The following DTNA variants were observed in gnomAD, a reference collection of about 807,000 sequenced individuals.
The protein encoded by DTNA is dystrophin-related protein 3.
A neutral mutation model predicts 100.7 loss-of-function variants in DTNA; 43 were observed. That is an observed-to-expected ratio of 0.43 (90% CI 0.33 to 0.55). The LOEUF is 0.55. Among genes scored for constraint, DTNA ranks in the 20% least tolerant of loss-of-function variants. DTNA has a pLI of 0.04. For synonymous variants in DTNA, 349 were observed against 347.9 expected, an observed-to-expected ratio of 1.00 and a Z score of -0.04; for missense variants, 798 against 953.9, an observed-to-expected ratio of 0.84 and a Z score of 2.15.
intron 1 of DTNA, among the ~76,000 whole-genome samples, chr18:34,619,948 G>T (rs1169970057): frequency 1.3e-5 from 2 of 152,180 alleles, no homozygotes; most frequent in African/African-American, 4.8e-5. Context: ...GTATCATCAT[G>T]AGACACTGAG....
intron 13 of DTNA, among the ~76,000 whole-genome samples, chr18:34,843,563 G>A (rs1010307210): frequency 2.6e-5 from 4 of 152,010 alleles, no homozygotes; most frequent in African/African-American, 4.8e-5. Flanking sequence ...TGCTGTGTCC[G>A]CAAATAACCT....
intron 16 of DTNA, among the ~76,000 whole-genome samples, chr18:34,859,751 G>C (rs376512887): frequency 6.9e-4 from 104 of 151,786 alleles, no homozygotes; most frequent in Middle Eastern, 6.8e-3. Context: ...GACTCAATCA[G>C]ATTCTGCCGC....
chr18:34,679,787 C>G (rs759069267), intron 1 of DTNA, among the ~76,000 whole-genome samples: 1 of 151,926 alleles, frequency 6.6e-6, no homozygotes, highest in African/African-American at 2.4e-5. Context: ...AAAGACTTAC[C>G]GTCTTTTTGT....
In DTNA at chr18:34,874,728, T is replaced by C. The variant is rs146046711; in HGVS notation, c.1744-511T>C. On this transcript the variant is annotated intron_variant, in intron 17 of 22. Coordinates refer to ENST00000444659, the MANE Select transcript of DTNA (RefSeq NM_001386795.1). The stretch of plus-strand genomic sequence containing the variant: ...AAAATAGGGATAAAACAATTTACAC[T>C]TCATTTGATTCTTAATTTGAGACTT... Among the ~76,000 whole-genome samples the C allele has an allele frequency of 2.7e-3, 415 of 152,310 alleles. 1 individual carries two copies. The highest frequency in any genetic ancestry group is 9.5e-3 in the African/African-American group (396 of 41,582).
intron 11 of DTNA, among the ~76,000 whole-genome samples, chr18:34,836,068 G>A (rs1443731257): frequency 6.6e-6 from 1 of 152,188 alleles, no homozygotes; most frequent in Non-Finnish European, 1.5e-5. Context: ...GAATTGGGGG[G>A]ATATTGGGCA....
At chr18:34,691,112 C>A (rs1187128038) in intron 1 of DTNA, among the ~76,000 whole-genome samples, 2 of 152,186 alleles carry the variant, frequency 1.3e-5, no homozygotes, top group Non-Finnish European at 2.9e-5. Flanking sequence ...ACAGGAGCAA[C>A]ATTTTGTATT....
At chr18:34,592,446 C>A (rs1470071069) in intron 1 of DTNA, among the ~76,000 whole-genome samples, 1 of 144,942 alleles carries the variant, frequency 6.9e-6, no homozygotes, top group East Asian at 2.0e-4. Flanking sequence ...AATTTCTCTT[C>A]TTTTAGATAT....
At chr18:34,825,821 A>G (rs1192389505) in intron 9 of DTNA, among the ~76,000 whole-genome samples, 1 of 152,234 alleles carries the variant, frequency 6.6e-6, no homozygotes, top group Non-Finnish European at 1.5e-5. Context: ...TTAAAAAAAG[A>G]CAAAATCAGA....
At chr18:34,837,343 G>A (rs1260898699) in intron 11 of DTNA, among the ~76,000 whole-genome samples, 1 of 151,940 alleles carries the variant, frequency 6.6e-6, no homozygotes, top group Non-Finnish European at 1.5e-5. Flanking sequence ...CTTTACCATA[G>A]CCACACTTAA....
At chr18:34,774,166 A>T (rs1601794704) in intron 3 of DTNA, among the ~76,000 whole-genome samples, 1 of 152,120 alleles carries the variant, frequency 6.6e-6, no homozygotes, top group Non-Finnish European at 1.5e-5. Flanking sequence ...ATACAGAGGA[A>T]TGCGTTTCAA....
At chr18:34,676,878 C>T (rs1183381941) in intron 1 of DTNA, among the ~76,000 whole-genome samples, 2 of 152,106 alleles carry the variant, frequency 1.3e-5, no homozygotes, top group Non-Finnish European at 1.5e-5. Flanking sequence ...TTTGTATTCC[C>T]ACCCAATGTT....
chr18:34,656,035 C>T (rs2074323277), intron 1 of DTNA, among the ~76,000 whole-genome samples: 1 of 152,166 alleles, frequency 6.6e-6, no homozygotes, highest in African/African-American at 2.4e-5. Context: ...TTGTCAACTG[C>T]TTCTCTTGCT....
intron 1 of DTNA, among the ~76,000 whole-genome samples, chr18:34,622,410 G>A (rs867735067): frequency 6.6e-6 from 1 of 152,206 alleles, no homozygotes; most frequent in African/African-American, 2.4e-5. Context: ...AGTAAAAAGT[G>A]CTACGGTTTG....
chr18:34,697,550 G>A (rs1319266614), intron 1 of DTNA, among the ~76,000 whole-genome samples: 2 of 151,408 alleles, frequency 1.3e-5, no homozygotes, highest in Non-Finnish European at 2.9e-5. Flanking sequence ...TGTTAGAAGG[G>A]GAGAAAAAAG....
rs192887851 is a variant in DTNA at position 34,690,797 on chromosome 18, G to A, written c.-1-65179G>A. Among the ~76,000 whole-genome samples, 103 of 152,284 alleles carry A rather than the reference G, an allele frequency of 6.8e-4. 1 individual carries two copies. The highest frequency in any genetic ancestry group is 6.8e-3 in the Middle Eastern group (2 of 294). ...ACTATTAATACTTTCTAAATAAATG[G>A]CTGGTGATTAAGGGCAAAGGCACAA... is the stretch of plus-strand genomic sequence containing the variant. On this transcript the variant is annotated intron_variant, in intron 1 of 19. Transcript: ENST00000283365.
chr18:34,505,404 A>C (rs1851302), intron 1 of DTNA, among the ~76,000 whole-genome samples: 1 of 152,134 alleles, frequency 6.6e-6, no homozygotes, highest in Non-Finnish European at 1.5e-5. Context: ...ACATCTACCA[A>C]ATCTCTTTTT....
At chr18:34,624,241 T>C (rs1179357436) in intron 1 of DTNA, among the ~76,000 whole-genome samples, 1 of 152,218 alleles carries the variant, frequency 6.6e-6, no homozygotes, top group African/African-American at 2.4e-5. Context: ...CTTTTGCCAG[T>C]TGCAGATCAA....
rs956867055 is a variant in DTNA at position 34,608,131 on chromosome 18, G to A, written c.-2+114617G>A. Among the ~76,000 whole-genome samples the A allele has an allele frequency of 2.0e-5, 3 of 152,112 alleles. 1 individual carries two copies. The South Asian group carries it at 6.2e-4, about 31-fold the overall frequency. On this transcript the variant is annotated intron_variant, in intron 1 of 19. Transcript: ENST00000283365. ...ACTCAATTATAATTTTCAATCTTAC[G>A]AAAAGAACTGTGCCATGTCCTCCTC... is the stretch of plus-strand genomic sequence containing the variant.
At chr18:34,851,765 C>T in intron 14 of DTNA, 66 bp from the exon 15 acceptor site, 1 of 1,525,062 alleles carries the variant, frequency 6.6e-7, no homozygotes, top group Middle Eastern at 1.7e-4. Flanking sequence ...TCTCATGACT[C>T]CTGCCTTCCC....
Sources: allele counts gnomAD v4.1 joint callset (sites outside exome capture counted in the v4.1 genomes callset), GRCh38; gene constraint gnomAD v4.1.1; transcripts MANE v1.5; gene names NCBI Gene and HGNC (gene_info 2026-07-23, HGNC 2026-07-21).